Variants in MYH13 observed in about 807,000 individuals in gnomAD.
MYH13 encodes myosin heavy chain 13.
MYH13 carries 177 observed loss-of-function variants against 232.1 expected under a neutral mutation model. That is an observed-to-expected ratio of 0.76 (90% CI 0.67 to 0.86). The LOEUF is 0.86. Among genes scored for constraint, MYH13 ranks in the 40% least tolerant of loss-of-function variants. The pLI, the probability that MYH13 is intolerant of heterozygous loss-of-function variation, is 0.00. For missense variants in MYH13, 2,246 were observed against 2,405.9 expected (o/e 0.93, Z 1.39); for synonymous variants, 884 against 923.5 (o/e 0.96, Z 0.78).
intron 8 of MYH13, among the ~76,000 whole-genome samples, chr17:10,355,998 C>A (rs1291183104): frequency 6.6e-6 from 1 of 152,046 alleles, no homozygotes; most frequent in African/African-American, 2.4e-5. Context: ...AAAAGAACAA[C>A]TCAGGGTCTA....
Position 10,345,344 on chromosome 17 carries a change from T to C in MYH13, c.1442A>G (p.Asn481Ser), listed in dbSNP as rs749966948. 1.2e-6 allele frequency: 2 copies of C among 1,614,236 alleles called. No homozygotes were observed. Among genetic ancestry groups the C allele is most frequent in the Non-Finnish European group, 8.5e-7 (1 of 1,180,038 alleles). Residue 481 changes from asparagine to serine, a missense_variant, in exon 15 of 41, where the codon AAC becomes AGC. Transcript: ENST00000252172. ...CTGTTGCAGTTTCTCATTGGTGAAGTTGATGCACAGCTGCTCCAGGCTGTT... is the reference window on the plus strand; with the variant it reads ...CTGTTGCAGTTTCTCATTGGTGAAGCTGATGCACAGCTGCTCCAGGCTGTT... ...DFNSLEQLCI[N>S]FTNEKLQQFF...
At chr17:10,357,623 G>T in intron 8 of MYH13, 112 bp downstream of exon 8, 1 of 857,286 alleles carries the variant, frequency 1.2e-6, no homozygotes, top group Non-Finnish European at 1.9e-6. Context: ...AATCACTTGG[G>T]GGTAGAAAAA....
rs1464950439 is a variant in MYH13, at chr17:10,331,030, C to T, written c.2299-507G>A. On this transcript the variant is annotated intron_variant, in intron 20 of 40. Coordinates refer to ENST00000252172, the MANE Select transcript of MYH13 (RefSeq NM_003802.3). The stretch of plus-strand genomic sequence containing the variant: ...AGACTCTGTCTCAAAACAAAACAAA[C>T]AAACAAAACAACAACAACAACGACA... Among the ~76,000 whole-genome samples the T allele has an allele frequency of 2.0e-5, 3 of 151,976 alleles. No homozygotes were observed. The East Asian group carries it at 5.8e-4, about 29-fold the overall frequency.
intron 33 of MYH13, among the ~76,000 whole-genome samples, chr17:10,310,673 C>T (rs374251884): frequency 9.2e-5 from 14 of 152,222 alleles, no homozygotes; most frequent in East Asian, 5.8e-4. Context: ...TGTGTCGGTT[C>T]GTATTTCCCT....
intron 22 of MYH13, among the ~76,000 whole-genome samples, chr17:10,326,512 C>T (rs12939466): frequency 0.59 from 89,608 of 151,184 alleles, 26,924 homozygotes; most frequent in Non-Finnish European, 0.66. Context: ...TGCTCTGTTG[C>T]CAGGCTGGAG....
rs753157072 is a variant in MYH13 at position 10,309,648 on chromosome 17, G to A, written c.4839C>T (p.Asn1613=). 1.9e-6 allele frequency: 3 copies of A among 1,611,678 alleles called. No homozygotes were observed. Among genetic ancestry groups the A allele is most frequent in the Admixed American group, 1.7e-5 (1 of 59,742 alleles). The change falls in exon 34 of 41, where the codon AAC becomes AAT. Residue 1613 remains asparagine (N), a synonymous_variant. Coordinates refer to ENST00000252172, the MANE Select transcript of MYH13 (RefSeq NM_003802.3). ...TCTTCTTCTTTAGCCTCAGGGCGTC[G>A]TTCCGGCTGCGGATTTCAGCATCCA... is the stretch of plus-strand genomic sequence containing the variant. ...SVLDAEIRSR[N]DALRLKKKME...
chr17:10,305,141 G>A (rs1906232125), intron 37 of MYH13, among the ~76,000 whole-genome samples: 1 of 152,226 alleles, frequency 6.6e-6, no homozygotes, highest in African/African-American at 2.4e-5. Flanking sequence ...CTAGGCTTCT[G>A]TAAGGTTTAT....
At chr17:10,332,359 A>G in intron 19 of MYH13, 137 bp from the exon 20 acceptor site, 1 of 1,173,496 alleles carries the variant, frequency 8.5e-7, no homozygotes, top group Non-Finnish European at 1.2e-6. Flanking sequence ...GGAGATGGGA[A>G]TAGCTAGGGA....
intron 8 of MYH13, among the ~76,000 whole-genome samples, chr17:10,356,785 C>T (rs1369832401): frequency 6.6e-6 from 1 of 152,156 alleles, no homozygotes; most frequent in Non-Finnish European, 1.5e-5. Context: ...ACCATAGGCA[C>T]AAATGATGGC....
At position 10,320,487 on chromosome 17, in the gene MYH13, A is replaced by G. The variant is rs1906901393; in HGVS notation, c.3121T>C (p.Ser1041Pro). The G allele has an allele frequency of 6.2e-7, 1 of 1,612,690 alleles. No individual in the cohort carries two copies. The highest frequency in any genetic ancestry group is 1.3e-5 in the African/African-American group (1 of 75,054). Residue 1041 changes from serine to proline, a missense_variant, in exon 25 of 41, where the codon TCC becomes CCC. Physicochemically the swap from Ser to Pro is moderately conservative, Grantham distance 74. Transcript: ENST00000252172. ...CGCAGTTTCTTCTCCTGCTCTAAGG[A>G]ACCCTCAAGCTGAGAAGACACACAG... ...LEQQTDDLEG[S>P]LEQEKKLRAD...
In MYH13 at chr17:10,318,961, G is replaced by A. The variant is rs778822184; in HGVS notation, c.3567C>T (p.His1189=). The A allele has an allele frequency of 4.5e-5, 73 of 1,614,024 alleles. No homozygotes were observed. In the Middle Eastern group the frequency reaches 6.6e-4, roughly 15 times the overall value. The stretch of plus-strand genomic sequence containing the variant: ...TCCTCAGGGTGGCTGCTGTGGCTTC[G>A]TGCTGCAGGGTGGCCTCCTCCAGGT... The part of the protein sequence containing the change: ...RRDLEEATLQ[H]EATAATLRKK... Residue 1189 remains histidine (H), a synonymous_variant, in exon 27 of 41, where the codon CAC becomes CAT. Transcript: ENST00000252172.
intron 2 of MYH13, among the ~76,000 whole-genome samples, chr17:10,366,960 G>T (rs942901320): frequency 7.2e-5 from 11 of 152,298 alleles, no homozygotes; most frequent in East Asian, 5.8e-4. Flanking sequence ...TCATGGTTAG[G>T]TTTTCATAGT....
chr17:10,333,392 T>C (rs959139945), intron 18 of MYH13, among the ~76,000 whole-genome samples: 14 of 152,182 alleles, frequency 9.2e-5, no homozygotes, highest in Non-Finnish European at 1.5e-4. Flanking sequence ...TCCCACCCTC[T>C]TGGGGAGATG....
At position 10,328,208 on chromosome 17, in the gene MYH13, C is replaced by T. The variant is rs73285903; in HGVS notation, c.2436-87G>A. On this transcript the variant is annotated intron_variant, in intron 21 of 40. Transcript: ENST00000252172. ...CCTGTCCCCGACGGACCCCATCCTC[C>T]GTCTTTCTCGGTTAGGTGGGAAGGA... is the stretch of plus-strand genomic sequence containing the variant. 11,045 of 1,487,778 alleles carry T rather than the reference C, an allele frequency of 7.4e-3. 676 individuals carry two copies. The African/African-American group carries it at 0.14, about 18-fold the overall frequency. The allele number at this position is 1,487,778 out of a possible 1,614,324, so 92.2% of individuals were successfully genotyped here.
At chr17:10,342,810 G>T (rs1209951270) in intron 16 of MYH13, among the ~76,000 whole-genome samples, 1 of 151,932 alleles carries the variant, frequency 6.6e-6, no homozygotes, top group African/African-American at 2.4e-5. Flanking sequence ...TGCTCATGGG[G>T]ACAGGCATGA....
chr17:10,340,341 G>T lies in MYH13; in HGVS notation c.1955C>A (p.Ser652Ter). The T allele has an allele frequency of 1.2e-6, 2 of 1,613,876 alleles. No homozygotes were observed. Among genetic ancestry groups the T allele is most frequent in the Middle Eastern group, 1.6e-4 (1 of 6,062 alleles). Reference protein sequence around the residue: ...KKKGSSFQTVSAVFRENLNKL... With the variant: ...KKKGSSFQTV ...CAAAACACCAACCCTGAACACGGCC[G>T]ACACGGTCTGGAAAGAGGAGCCCTT... is the stretch of plus-strand genomic sequence containing the variant. The change falls in exon 17 of 41, where the codon TCG becomes TAG. Residue 652 changes from serine to a stop codon, truncating the protein, a stop_gained. Coordinates refer to ENST00000252172, the MANE Select transcript of MYH13 (RefSeq NM_003802.3). LOFTEE classifies it high-confidence loss of function.
chr17:10,300,916 G>A lies in MYH13; in HGVS notation c.*35C>T, dbSNP rs183347441. ...TCACACATTTTCCCTCCACTCTCTCGGAGGTGTCCCATGGCAACGAGCATC... is the reference window on the plus strand; with the variant it reads ...TCACACATTTTCCCTCCACTCTCTCAGAGGTGTCCCATGGCAACGAGCATC... On this transcript the variant is annotated 3_prime_UTR_variant, in exon 41 of 41. Transcript: ENST00000252172. 215 of 1,607,892 alleles carry A rather than the reference G, an allele frequency of 1.3e-4. No individual in the cohort carries two copies. In the East Asian group the frequency reaches 2.5e-3, roughly 19 times the overall value.
chr17:10,311,788 G>C, intron 32 of MYH13, 123 bp downstream of exon 32: 7 of 1,146,972 alleles, frequency 6.1e-6, no homozygotes, highest in South Asian at 2.9e-5. Context: ...TGTGAGGCAT[G>C]ATGGGTGAGG....
At chr17:10,372,893 T>C (rs1179730893) in intron 1 of MYH13, 86 bp downstream of exon 1, 3 of 152,190 alleles carry the variant, frequency 2.0e-5, no homozygotes, top group Non-Finnish European at 4.4e-5. Context: ...AAGGCTACTT[T>C]ATTGTCTTCC....
Sources: allele counts gnomAD v4.1 joint callset (sites outside exome capture counted in the v4.1 genomes callset), GRCh38; gene constraint gnomAD v4.1.1; transcripts MANE v1.5; gene names NCBI Gene and HGNC (gene_info 2026-07-23, HGNC 2026-07-21).